The following B3GALT5 variants were observed in gnomAD, a reference collection of about 807,000 sequenced individuals.
B3GALT5 encodes the protein beta-1,3-galactosyltransferase 5.
For synonymous variants in B3GALT5, 156 were observed against 158.6 expected (o/e 0.98, Z 0.12); for missense variants, 328 against 396.6 (o/e 0.83, Z 1.47).
chr21:39,613,147 G>C (rs1325782369), intron 1 of B3GALT5, 80 bp downstream of exon 1: 1 of 149,622 alleles, frequency 6.7e-6, no homozygotes, highest in Admixed American at 6.7e-5. Flanking sequence ...GCGCGGGGGC[G>C]TGGGTGCCGG....
chr21:39,660,935 G>T lies in B3GALT5; in HGVS notation c.376G>T (p.Asp126Tyr). ...HGDIIQKDFLDVYYNLTLKTM... is the reference protein window; with the variant it reads ...HGDIIQKDFLYVYYNLTLKTM... ...GGACATTATCCAGAAGGATTTCCTAGACGTCTATTACAATCTGACCCTGAA... is the reference window on the plus strand; with the variant it reads ...GGACATTATCCAGAAGGATTTCCTATACGTCTATTACAATCTGACCCTGAA... Residue 126 changes from aspartate (D) to tyrosine (Y), a missense_variant, in exon 4 of 4, where the codon GAC (aspartate) becomes TAC (tyrosine). Asp to Tyr is a radical substitution (Grantham distance 160). Coordinates refer to ENST00000684187, the MANE Select transcript of B3GALT5 (RefSeq NM_001356336.2). 6 of 1,607,900 alleles carry T rather than the reference G, an allele frequency of 3.7e-6. No individual in the cohort carries two copies. The highest frequency in any genetic ancestry group is 4.2e-6 in the Non-Finnish European group (5 of 1,176,728).
At chr21:39,636,008 A>T (rs2079224777) in intron 1 of B3GALT5, among the ~76,000 whole-genome samples, 1 of 152,186 alleles carries the variant, frequency 6.6e-6, no homozygotes, top group East Asian at 1.9e-4. Flanking sequence ...CTAAGATAGG[A>T]CATTTTATGT....
chr21:39,657,150 T>A (rs967294551), intron 2 of B3GALT5, among the ~76,000 whole-genome samples: 1 of 152,224 alleles, frequency 6.6e-6, no homozygotes, highest in African/African-American at 2.4e-5. Context: ...GAGCAAAGCC[T>A]GGTGTGATGG....
intron 1 of B3GALT5, among the ~76,000 whole-genome samples, chr21:39,619,188 G>A (rs768485440): frequency 1.2e-4 from 18 of 151,956 alleles, no homozygotes; most frequent in Non-Finnish European, 4.4e-5. Context: ...ATTTTCTCAC[G>A]GTTCTGGAGG....
intron 2 of B3GALT5, among the ~76,000 whole-genome samples, chr21:39,651,328 G>A (rs1163549707): frequency 6.6e-6 from 1 of 152,192 alleles, no homozygotes; most frequent in East Asian, 1.9e-4. Context: ...TGAGACCAGA[G>A]TGTCACTGGG....
Position 39,663,454 on chromosome 21 carries a change from T to G in B3GALT5, c.*1962T>G. ...ACCCATTGTTTCCCCTCCCCTCCCC[T>G]CCCCTCCCATCCCCTTCCCTCTTCT... On this transcript the variant is annotated 3_prime_UTR_variant, in exon 4 of 4. Coordinates refer to ENST00000684187, the MANE Select transcript of B3GALT5 (RefSeq NM_001356336.2). 1 of 122,124 alleles carries G rather than the reference T, an allele frequency of 8.2e-6. No individual in the cohort carries two copies. The highest frequency in any genetic ancestry group is 2.6e-4 in the East Asian group (1 of 3,804). The allele number at this position is 122,124 out of a possible 1,614,324, so 7.6% of individuals were successfully genotyped here. A position where few individuals can be genotyped will look rare whatever the true frequency, so the allele number is the denominator to read the frequency against.
At chr21:39,658,706 G>A (rs777955210) in intron 2 of B3GALT5, among the ~76,000 whole-genome samples, 1 of 152,134 alleles carries the variant, frequency 6.6e-6, no homozygotes, top group Non-Finnish European at 1.5e-5. Context: ...GACAAGTTCT[G>A]GTCTCCTGCT....
At position 39,665,041 on chromosome 21, in the gene B3GALT5, A is replaced by G. The variant is rs2079566885; in HGVS notation, c.*3549A>G. ...AGAACTCTTTCTTGCTCTTCAATCC[A>G]CTGCCTACCTGATTTCCCATAGTGA... is the stretch of plus-strand genomic sequence containing the variant. On this transcript the variant is annotated 3_prime_UTR_variant, in exon 4 of 4. Transcript: ENST00000684187. The G allele has an allele frequency of 1.3e-5, 2 of 151,926 alleles. No individual in the cohort carries two copies. The allele number at this position is 151,926 out of a possible 1,614,324, so 9.4% of individuals were successfully genotyped here.
chr21:39,647,722 A>G (rs1025720150), intron 2 of B3GALT5, among the ~76,000 whole-genome samples: 3 of 152,082 alleles, frequency 2.0e-5, no homozygotes, highest in South Asian at 4.2e-4. Context: ...ATCACTGTCA[A>G]ATTCTTCATG....
intron 1 of B3GALT5, among the ~76,000 whole-genome samples, chr21:39,643,140 G>T (rs903144553): frequency 6.6e-6 from 1 of 152,150 alleles, no homozygotes; most frequent in African/African-American, 2.4e-5. Flanking sequence ...TGAATGAAAT[G>T]GAATGAGTAC....
Position 39,628,723 on chromosome 21 carries a change from C to T in B3GALT5, c.-392+15656C>T, listed in dbSNP as rs764896995. On this transcript the variant is annotated intron_variant, in intron 1 of 3. Transcript: ENST00000684187. ...GTCCTGTACAGGGGACCTAATGGGA[C>T]CATGTCGAGTGATTATATCTTGAGC... 5.2e-4 allele frequency among the ~76,000 whole-genome samples: 79 copies of T among 152,156 alleles called. 1 individual carries two copies. Among genetic ancestry groups the T allele is most frequent in the Non-Finnish European group, 9.3e-4 (63 of 68,032 alleles).
At chr21:39,642,453 A>G (rs191395898) in intron 1 of B3GALT5, among the ~76,000 whole-genome samples, 52 of 152,352 alleles carry the variant, frequency 3.4e-4, no homozygotes, top group African/African-American at 1.2e-3. Context: ...AGACCCAGGG[A>G]CCTGCATAGA....
At chr21:39,658,840 G>A (rs2079477550) in intron 2 of B3GALT5, among the ~76,000 whole-genome samples, 1 of 145,656 alleles carries the variant, frequency 6.9e-6, no homozygotes, top group African/African-American at 2.5e-5. Flanking sequence ...CCTGGAGAGC[G>A]AGCTGGTTCT....
chr21:39,623,241 CCCTT>C (rs1182848314), intron 1 of B3GALT5, among the ~76,000 whole-genome samples: 229 of 17,870 alleles, frequency 0.013, 3 homozygotes, highest in South Asian at 0.037. Flanking sequence ...CTCCCTCCCT[CCCTT>C]CCTTCCTTCC....
rs2079570235 is a variant in B3GALT5, at chr21:39,665,454, G to C, written c.*3962G>C. 6.6e-6 allele frequency: 1 copy of C among 152,146 alleles called. No homozygotes were observed. 9.4% of individuals were successfully genotyped at this position (152,146 alleles called of 1,614,324 possible). ...CCCTCCTGAGGTTTCCCATCACCAA[G>C]GATATTAAGGATAAAAACCACATCC... On this transcript the variant is annotated 3_prime_UTR_variant, in exon 4 of 4. Transcript: ENST00000684187.
At chr21:39,633,118 G>A (rs976029113) in intron 1 of B3GALT5, among the ~76,000 whole-genome samples, 2 of 152,122 alleles carry the variant, frequency 1.3e-5, no homozygotes, top group Admixed American at 6.5e-5. Flanking sequence ...TGGGGGCAGG[G>A]AAATGGTGGC....
chr21:39,668,801 T>C lies in B3GALT5; in HGVS notation c.*7309T>C, dbSNP rs1331486357. On this transcript the variant is annotated 3_prime_UTR_variant, in exon 4 of 4. Coordinates refer to ENST00000684187, the MANE Select transcript of B3GALT5 (RefSeq NM_001356336.2). Reference sequence around the variant, plus strand: ...AGTCCCTTGAGTGGCAAGTTACTTATCTTCTCATTGTCTCCGTTTTGTTAT... The same window carrying C: ...AGTCCCTTGAGTGGCAAGTTACTTACCTTCTCATTGTCTCCGTTTTGTTAT... The C allele has an allele frequency of 6.6e-6, 1 of 152,302 alleles. No individual in the cohort carries two copies. Among genetic ancestry groups the C allele is most frequent in the Non-Finnish European group, 1.5e-5 (1 of 68,086 alleles). 9.4% of individuals were successfully genotyped at this position (152,302 alleles called of 1,614,324 possible).
intron 1 of B3GALT5, among the ~76,000 whole-genome samples, chr21:39,627,918 T>C (rs2079172647): frequency 6.6e-6 from 1 of 152,198 alleles, no homozygotes; most frequent in Non-Finnish European, 1.5e-5. Context: ...GTATTATAAC[T>C]ATATGTACTT....
chr21:39,613,120 G>A (rs1045780024), intron 1 of B3GALT5, 53 bp downstream of exon 1: 1 of 148,940 alleles, frequency 6.7e-6, no homozygotes, highest in African/African-American at 2.4e-5. Context: ...CGGGAGCGGG[G>A]GGCCGGGTCC....
Sources: gnomAD v4.1 joint callset for allele counts (sites outside exome capture counted in the v4.1 genomes callset) on GRCh38, gnomAD v4.1.1 for gene constraint, MANE v1.5 for transcripts, NCBI Gene and HGNC (gene_info 2026-07-23, HGNC 2026-07-21) for gene names.